Variants in INTS7 observed in about 807,000 individuals in gnomAD.
The protein encoded by INTS7 is integrator complex subunit 7, also known as chromosome 1 open reading frame 73.
INTS7 carries 46 observed loss-of-function variants against 109.2 expected under a neutral mutation model. The observed-to-expected ratio is 0.42, with a 90% CI of 0.33 to 0.54. The LOEUF is 0.54. Among genes scored for constraint, INTS7 ranks in the 20% least tolerant of loss-of-function variants. The pLI is 0.07. For missense variants in INTS7, 929 were observed against 1,132.4 expected (o/e 0.82, Z 2.58); for synonymous variants, 412 against 402.9 (o/e 1.02, Z -0.27).
At chr1:212,026,618 C>T (rs1360437512) in intron 1 of INTS7, among the ~76,000 whole-genome samples, 1 of 152,096 alleles carries the variant, frequency 6.6e-6, no homozygotes, top group Non-Finnish European at 1.5e-5. Flanking sequence ...TCAAGGGACA[C>T]ACAGGGCAGA....
At chr1:211,955,184 GCTCT>G (rs899978984) in intron 16 of INTS7, among the ~76,000 whole-genome samples, 13 of 151,860 alleles carry the variant, frequency 8.6e-5, no homozygotes, top group African/African-American at 2.2e-4. Context: ...TCATGATTTG[GCTCT>G]CTGTTTGTCT....
intron 16 of INTS7, among the ~76,000 whole-genome samples, chr1:211,955,690 C>T (rs888700222): frequency 1.3e-5 from 2 of 152,204 alleles, no homozygotes; most frequent in Non-Finnish European, 2.9e-5. Context: ...CAAGGCATTT[C>T]AGCCAGGTAT....
chr1:211,966,609 CATA>C lies in INTS7; in HGVS notation c.2115-114_2115-112del, dbSNP rs1048798338. The C allele has an allele frequency of 4.4e-6, 3 of 677,376 alleles. No homozygotes were observed. In the African/African-American group the frequency reaches 5.4e-5, roughly 12 times the overall value. The allele number at this position is 677,376 out of a possible 1,614,324, so 42.0% of individuals were successfully genotyped here. On this transcript the variant is annotated intron_variant, in intron 15 of 19. Transcript: ENST00000366994. The stretch of plus-strand genomic sequence containing the variant: ...TTAATGATTGCCTAGTGAAGGTAAT[CATA>C]ATGTTATCAACTCGAATGGTCTGGG...
At chr1:212,013,254 C>G (rs1666243604) in intron 4 of INTS7, among the ~76,000 whole-genome samples, 1 of 152,078 alleles carries the variant, frequency 6.6e-6, no homozygotes, top group Admixed American at 6.5e-5. Flanking sequence ...CTCCTGAGCT[C>G]AAGTGATACC....
At chr1:211,961,535 T>A (rs905451668) in intron 16 of INTS7, among the ~76,000 whole-genome samples, 13 of 151,948 alleles carry the variant, frequency 8.6e-5, no homozygotes, top group Admixed American at 8.5e-4. Flanking sequence ...GTTCAAGAGA[T>A]TCTCCTGCCT....
chr1:211,946,770 A>G lies in INTS7; in HGVS notation c.2317-65T>C. 3.6e-6 allele frequency: 4 copies of G among 1,125,164 alleles called. No homozygotes were observed. The South Asian group carries it at 5.4e-5, about 15-fold the overall frequency. The allele number at this position is 1,125,164 out of a possible 1,614,324, so 69.7% of individuals were successfully genotyped here. On this transcript the variant is annotated intron_variant, in intron 17 of 19. Coordinates refer to ENST00000366994, the MANE Select transcript of INTS7 (RefSeq NM_015434.4). The surrounding 1 kb of genome is among the most constrained non-coding windows in gnomAD (Gnocchi z 4.3). ...TTCAAATTTCATCAACAAGTGGTAC[A>G]TTCAGTATAAAACTACAAATGCCCA...
intron 11 of INTS7, 47 bp from the exon 12 acceptor site, chr1:211,976,766 C>G: frequency 1.3e-6 from 2 of 1,595,440 alleles, no homozygotes. Flanking sequence ...TAATTTTATT[C>G]AGTGTCATTG....
intron 13 of INTS7, among the ~76,000 whole-genome samples, chr1:211,974,274 A>ATAT (rs1553249475): frequency 0.017 from 1,376 of 79,224 alleles, 7 homozygotes; most frequent in East Asian, 0.05. Context: ...CCAGAAAAAA[A>ATAT]AAATATATAT....
intron 4 of INTS7, among the ~76,000 whole-genome samples, chr1:212,013,678 C>T (rs1028544102): frequency 6.6e-6 from 1 of 152,162 alleles, no homozygotes; most frequent in East Asian, 1.9e-4. Context: ...TACAGGAATA[C>T]CATTTTTATC....
chr1:212,014,807 G>C (rs1181387449), intron 4 of INTS7, among the ~76,000 whole-genome samples: 1 of 152,206 alleles, frequency 6.6e-6, no homozygotes, highest in Admixed American at 6.5e-5. Flanking sequence ...GGCCTCCCGA[G>C]GTGCCGGGAT....
intron 4 of INTS7, 43 bp downstream of exon 4, chr1:212,016,843 G>A: frequency 6.5e-7 from 1 of 1,545,834 alleles, no homozygotes; most frequent in South Asian, 1.3e-5. Context: ...AATTTTTCTT[G>A]GGAAGCCAAA....
At chr1:212,033,526 C>T (rs1050994804) in intron 1 of INTS7, among the ~76,000 whole-genome samples, 2 of 152,152 alleles carry the variant, frequency 1.3e-5, no homozygotes, top group Admixed American at 6.5e-5. Flanking sequence ...TTCAACTCTT[C>T]TTTAAAAAGG....
At position 211,944,873 on chromosome 1, in the gene INTS7, C is replaced by T; in HGVS notation, c.2512G>A (p.Gly838Arg). 5 of 1,613,888 alleles carry T rather than the reference C, an allele frequency of 3.1e-6. No homozygotes were observed. Among genetic ancestry groups the T allele is most frequent in the East Asian group, 2.2e-5 (1 of 44,886 alleles). ...TTGCGGAAGAGTCCTGGTTTAGATC[C>T]GTGCTGAACCACTCCCTCTACCTTT... ...ALKVEGVVQH[G>R]SKPGLFRKIQ... The change falls in exon 19 of 20, where the codon GGA becomes AGA. Residue 838 changes from glycine (G) to arginine (R), a missense_variant. By Grantham distance (125) the Gly-to-Arg change is moderately radical. This residue lies in a region of INTS7 where 787 missense variants were observed against 901.1 expected (regional missense o/e 0.87). Coordinates refer to ENST00000366994, the MANE Select transcript of INTS7 (RefSeq NM_015434.4).
rs1003308169 is a variant in INTS7 at position 212,035,227 on chromosome 1, C to T, written c.94+117G>A. Reference sequence around the variant, plus strand: ...CGCCCCAGCAAAAGCACAGGCGCTCCCCGCCCAGCGAAGACATGCGCATGC... The same window carrying T: ...CGCCCCAGCAAAAGCACAGGCGCTCTCCGCCCAGCGAAGACATGCGCATGC... On this transcript the variant is annotated intron_variant, in intron 1 of 19. Coordinates refer to ENST00000366994, the MANE Select transcript of INTS7 (RefSeq NM_015434.4). The T allele has an allele frequency of 9.6e-6, 7 of 731,078 alleles. No individual in the cohort carries two copies. The South Asian group carries it at 1.1e-4, about 12-fold the overall frequency. 45.3% of individuals were successfully genotyped at this position (731,078 alleles called of 1,614,324 possible).
chr1:211,995,250 T>A (rs566649221), intron 7 of INTS7, among the ~76,000 whole-genome samples: 3 of 152,164 alleles, frequency 2.0e-5, no homozygotes, highest in South Asian at 2.1e-4. Flanking sequence ...ACAGAAAGCA[T>A]TACAGACAGC....
Position 211,959,709 on chromosome 1 carries a change from C to T in INTS7, c.2183+6721G>A, listed in dbSNP as rs968032930. ...ACATTGCCCTGGGAGTGAAACCAGG[C>T]GTGAACAACAATGGACCTTCCCCTG... On this transcript the variant is annotated intron_variant, in intron 16 of 19. Coordinates refer to ENST00000366994, the MANE Select transcript of INTS7 (RefSeq NM_015434.4). The surrounding 1 kb of genome is among the most constrained non-coding windows in gnomAD (Gnocchi z 4.2). Among the ~76,000 whole-genome samples the T allele has an allele frequency of 2.6e-5, 4 of 152,260 alleles. No individual in the cohort carries two copies. Among genetic ancestry groups the T allele is most frequent in the African/African-American group, 9.6e-5 (4 of 41,544 alleles).
intron 7 of INTS7, among the ~76,000 whole-genome samples, chr1:211,989,816 C>T (rs1485511580): frequency 7.0e-6 from 1 of 142,998 alleles, no homozygotes; most frequent in Non-Finnish European, 1.5e-5. Flanking sequence ...AGCAAGACTC[C>T]GTTTCAAAAA....
chr1:212,031,371 T>C (rs914027208), intron 1 of INTS7, among the ~76,000 whole-genome samples: 2 of 152,236 alleles, frequency 1.3e-5, no homozygotes, highest in African/African-American at 4.8e-5. Context: ...ATCCTTTATA[T>C]TGCCAATTAT....
chr1:211,977,612 T>C (rs74804482), intron 11 of INTS7, among the ~76,000 whole-genome samples: 3,150 of 152,332 alleles, frequency 0.021, 119 homozygotes, highest in African/African-American at 0.071. Context: ...CATTCTAAAT[T>C]AAGATGAACA....
Sources: allele counts gnomAD v4.1 joint callset (sites outside exome capture counted in the v4.1 genomes callset), GRCh38; gene constraint gnomAD v4.1.1; regional missense constraint gnomAD v4.1.1; non-coding constraint Gnocchi (gnomAD v3.1); transcripts MANE v1.5; gene names NCBI Gene and HGNC (gene_info 2026-07-23, HGNC 2026-07-21).